VIT: variants seen among roughly 807,000 people sequenced by gnomAD.
The protein encoded by VIT is vitrin.
A neutral mutation model predicts 78.0 loss-of-function variants in VIT; 99 were observed. That is an observed-to-expected ratio of 1.27 (90% CI 1.08 to 1.50). The LOEUF (loss-of-function observed/expected upper bound fraction) is 1.50. VIT is among the 40% of genes most tolerant of loss of function. VIT has a pLI of 0.00. For missense variants in VIT, 1,126 were observed against 875.3 expected, an observed-to-expected ratio of 1.29 and a Z score of -3.61; for synonymous variants, 374 against 334.3, an observed-to-expected ratio of 1.12 and a Z score of -1.29.
intron 1 of VIT, among the ~76,000 whole-genome samples, chr2:36,699,824 G>A (rs947372012): frequency 6.6e-6 from 1 of 151,776 alleles, no homozygotes; most frequent in Admixed American, 6.6e-5. Flanking sequence ...CGAGGTCAAG[G>A]CAAAAATGGA....
intron 3 of VIT, among the ~76,000 whole-genome samples, chr2:36,737,429 C>A (rs997599693): frequency 6.6e-6 from 1 of 152,106 alleles, no homozygotes; most frequent in South Asian, 2.1e-4. Flanking sequence ...ATGAGGAAGA[C>A]AACAATCAGT....
At chr2:36,763,994 AT>A (rs1359364917) in intron 6 of VIT, among the ~76,000 whole-genome samples, 1 of 152,256 alleles carries the variant, frequency 6.6e-6, no homozygotes, top group African/African-American at 2.4e-5. Context: ...AAGCATCTGC[AT>A]TATGAGCAAG....
chr2:36,774,471 G>C (rs1224870690), intron 8 of VIT: 1 of 983,226 alleles, frequency 1.0e-6, no homozygotes, highest in African/African-American at 1.7e-5. Flanking sequence ...TGAGCTGATA[G>C]ACTTGGTGGA....
At chr2:36,745,850 G>T (rs913335583) in intron 4 of VIT, among the ~76,000 whole-genome samples, 1 of 152,144 alleles carries the variant, frequency 6.6e-6, no homozygotes, top group African/African-American at 2.4e-5. Flanking sequence ...TGTGAAATAG[G>T]AGTGGTGAGA....
chr2:36,766,299 T>C (rs891657911), intron 6 of VIT, among the ~76,000 whole-genome samples: 1 of 152,040 alleles, frequency 6.6e-6, no homozygotes, highest in Non-Finnish European at 1.5e-5. Context: ...GAGGCTGAGA[T>C]GGAAGAATTG....
At chr2:36,747,092 A>G (rs1431565953) in intron 4 of VIT, among the ~76,000 whole-genome samples, 1 of 152,128 alleles carries the variant, frequency 6.6e-6, no homozygotes, top group Non-Finnish European at 1.5e-5. Context: ...TTTAATTTCC[A>G]TATAATTGTG....
intron 1 of VIT, among the ~76,000 whole-genome samples, chr2:36,699,499 A>C (rs1289346721): frequency 7.5e-6 from 1 of 133,272 alleles, no homozygotes; most frequent in East Asian, 2.2e-4. Flanking sequence ...TATTCTTCAC[A>C]AGACAATTAG....
intron 4 of VIT, among the ~76,000 whole-genome samples, chr2:36,747,760 A>G (rs915558182): frequency 1.3e-5 from 2 of 152,160 alleles, no homozygotes; most frequent in Non-Finnish European, 2.9e-5. Context: ...ATTCAAGGTT[A>G]ATATTGATAT....
At chr2:36,767,915 G>A (rs546874124) in intron 7 of VIT, among the ~76,000 whole-genome samples, 1 of 152,260 alleles carries the variant, frequency 6.6e-6, no homozygotes, top group East Asian at 1.9e-4. Flanking sequence ...TCTAGCAAGG[G>A]GGCGAAAACT....
chr2:36,754,828 T>C, intron 4 of VIT, 93 bp from the exon 5 acceptor site: 2 of 1,422,414 alleles, frequency 1.4e-6, no homozygotes, highest in African/African-American at 1.4e-5. Flanking sequence ...CTTTCCTATG[T>C]GTAAATAAAG....
chr2:36,766,632 A>C (rs1669446954), intron 6 of VIT, among the ~76,000 whole-genome samples: 1 of 152,224 alleles, frequency 6.6e-6, no homozygotes, highest in Non-Finnish European at 1.5e-5. Flanking sequence ...AGAGTTGACT[A>C]GTCATGAACC....
At chr2:36,700,313 T>G (rs542469767) in intron 1 of VIT, among the ~76,000 whole-genome samples, 33 of 152,248 alleles carry the variant, frequency 2.2e-4, no homozygotes, top group African/African-American at 7.7e-4. Context: ...TATCTCCCTG[T>G]GGTTTGCAGA....
intron 1 of VIT, among the ~76,000 whole-genome samples, chr2:36,710,557 T>TC (rs1321784971): frequency 6.6e-6 from 1 of 152,140 alleles, no homozygotes; most frequent in Admixed American, 6.5e-5. Flanking sequence ...GACTCTCCAC[T>TC]CCCACTCCCC....
chr2:36,743,112 T>C lies in VIT; in HGVS notation c.131T>C (p.Ile44Thr). 1 of 1,614,026 alleles carries C rather than the reference T, an allele frequency of 6.2e-7. No homozygotes were observed. Among genetic ancestry groups the C allele is most frequent in the African/African-American group, 1.3e-5 (1 of 75,020 alleles). ...TTTGTATTCCCAGCTGTGCCTCAGATCAACTGCGATGTCAAAGCCGGAAAG... is the reference window on the plus strand; with the variant it reads ...TTTGTATTCCCAGCTGTGCCTCAGACCAACTGCGATGTCAAAGCCGGAAAG... ...IKRPKFTVPQ[I>T]NCDVKAGKII... Residue 44 changes from isoleucine (I) to threonine (T), a missense_variant, in exon 4 of 16, where the codon ATC becomes ACC. By Grantham distance (89) the Ile-to-Thr change is moderately conservative. Transcript: ENST00000379242.
intron 1 of VIT, among the ~76,000 whole-genome samples, chr2:36,709,383 A>G (rs1258402123): frequency 5.3e-5 from 8 of 152,102 alleles, no homozygotes; most frequent in Non-Finnish European, 8.8e-5. Flanking sequence ...TCTCTACCTC[A>G]TCGGGTTGTT....
intron 5 of VIT, among the ~76,000 whole-genome samples, chr2:36,756,248 A>T (rs1237116619): frequency 6.6e-6 from 1 of 151,968 alleles, no homozygotes; most frequent in African/African-American, 2.4e-5. Flanking sequence ...ATGAGCCACC[A>T]CGCCCAGCCT....
At chr2:36,762,413 TCAATGTTTACATTGAGTGAGCATCTC>T (rs1669179579) in intron 6 of VIT, among the ~76,000 whole-genome samples, 1 of 152,172 alleles carries the variant, frequency 6.6e-6, no homozygotes, top group Non-Finnish European at 1.5e-5. Flanking sequence ...ATTCATTCAT[TCAATGTTTACATTGAGTGAGCATCTC>T]CTACGTGCAA....
chr2:36,771,752 A>C (rs1669773855), intron 7 of VIT, among the ~76,000 whole-genome samples: 2 of 152,146 alleles, frequency 1.3e-5, no homozygotes, highest in South Asian at 2.1e-4. Context: ...TGCTGTTCAT[A>C]ATTTTTTAAA....
At chr2:36,727,851 T>TA in intron 2 of VIT, among the ~76,000 whole-genome samples, 1 of 152,364 alleles carries the variant, frequency 6.6e-6, no homozygotes, top group South Asian at 2.1e-4. Context: ...AATAAATGTA[T>TA]AGCACATACC....
Sources: allele counts gnomAD v4.1 joint callset (sites outside exome capture counted in the v4.1 genomes callset), GRCh38; gene constraint gnomAD v4.1.1; transcripts MANE v1.5; gene names NCBI Gene and HGNC (gene_info 2026-07-23, HGNC 2026-07-21).